The following SPTBN1 variants were observed in gnomAD, a reference collection of about 807,000 sequenced individuals.
The protein encoded by SPTBN1 is spectrin beta chain, non-erythrocytic 1.
A neutral mutation model predicts 266.4 loss-of-function variants in SPTBN1; 32 were observed. That is an observed-to-expected ratio of 0.12 (90% CI 0.09 to 0.16). The LOEUF is 0.16. SPTBN1 is among the 10% of genes least tolerant of loss of function. The pLI is 1.00. For synonymous variants in SPTBN1, 1,336 were observed against 1,162.2 expected, an observed-to-expected ratio of 1.15 and a Z score of -3.04; for missense variants, 2,296 against 3,067.1, an observed-to-expected ratio of 0.75 and a Z score of 5.94.
chr2:54,490,778 T>C (rs1668644928), intron 1 of SPTBN1, among the ~76,000 whole-genome samples: 1 of 151,996 alleles, frequency 6.6e-6, no homozygotes, highest in Admixed American at 6.6e-5. Flanking sequence ...GAAAAATGAT[T>C]AGTGTTAGTT....
At chr2:54,583,453 C>T (rs1169828288) in intron 2 of SPTBN1, among the ~76,000 whole-genome samples, 1 of 152,016 alleles carries the variant, frequency 6.6e-6, no homozygotes, top group Non-Finnish European at 1.5e-5. Context: ...CTTTTCTGAC[C>T]AAAGTGTAGG....
chr2:54,511,373 T>A (rs1164302856), intron 1 of SPTBN1, among the ~76,000 whole-genome samples: 1 of 152,206 alleles, frequency 6.6e-6, no homozygotes, highest in Non-Finnish European at 1.5e-5. Flanking sequence ...ATTTTGTTTT[T>A]AAAAATTTTT....
intron 18 of SPTBN1, among the ~76,000 whole-genome samples, chr2:54,641,392 CTGTT>C (rs1679545480): frequency 6.6e-6 from 1 of 152,116 alleles, no homozygotes; most frequent in African/African-American, 2.4e-5. Flanking sequence ...TAAATGCCTT[CTGTT>C]TTGTGTGTAT....
At chr2:54,539,340 C>T (rs1671801982) in intron 2 of SPTBN1, among the ~76,000 whole-genome samples, 1 of 152,082 alleles carries the variant, frequency 6.6e-6, no homozygotes, top group Admixed American at 6.5e-5. Flanking sequence ...TTAAAGATTT[C>T]TTTGTGTTTA....
At chr2:54,597,588 G>T (rs567108446) in intron 2 of SPTBN1, among the ~76,000 whole-genome samples, 5 of 152,216 alleles carry the variant, frequency 3.3e-5, no homozygotes, top group African/African-American at 1.2e-4. Context: ...GATCTTGGCA[G>T]GTGCCCCAGC....
At chr2:54,665,694 C>T (rs1231778181) in intron 33 of SPTBN1, among the ~76,000 whole-genome samples, 4 of 152,182 alleles carry the variant, frequency 2.6e-5, no homozygotes, top group Non-Finnish European at 4.4e-5. Flanking sequence ...TCCTCAAACA[C>T]TTGCCCTGTG....
chr2:54,603,427 G>T (rs914541417), intron 3 of SPTBN1, among the ~76,000 whole-genome samples: 1 of 152,192 alleles, frequency 6.6e-6, no homozygotes, highest in African/African-American at 2.4e-5. Context: ...GTCTAATGAA[G>T]TGGGCAACCT....
chr2:54,546,627 A>G (rs1420256064), intron 2 of SPTBN1: 1 of 152,224 alleles, frequency 6.6e-6, no homozygotes, highest in Non-Finnish European at 1.5e-5. Flanking sequence ...GACTCTAATG[A>G]CAACTCTGTG....
chr2:54,577,630 A>G (rs1674582297), intron 2 of SPTBN1, among the ~76,000 whole-genome samples: 1 of 152,340 alleles, frequency 6.6e-6, no homozygotes, highest in African/African-American at 2.4e-5. Context: ...TATGCTCCTC[A>G]TAGCGTCCTT....
At chr2:54,530,582 C>A (rs960403337) in intron 2 of SPTBN1, among the ~76,000 whole-genome samples, 1 of 151,994 alleles carries the variant, frequency 6.6e-6, no homozygotes, top group Admixed American at 6.6e-5. Flanking sequence ...CGGTCTCGAT[C>A]TCCTGACCTC....
At chr2:54,466,975 CAG>C (rs1693666955) in intron 1 of SPTBN1, among the ~76,000 whole-genome samples, 1 of 152,018 alleles carries the variant, frequency 6.6e-6, no homozygotes, top group South Asian at 2.1e-4. Flanking sequence ...ATTACTTATG[CAG>C]AGTGTGGGAA....
At chr2:54,477,919 A>G (rs529435329) in intron 1 of SPTBN1, among the ~76,000 whole-genome samples, 2 of 152,072 alleles carry the variant, frequency 1.3e-5, no homozygotes, top group Non-Finnish European at 2.9e-5. Flanking sequence ...TCAAAAAAAA[A>G]AAGACTGGTA....
chr2:54,654,212 A>T (rs1680498904), intron 27 of SPTBN1, among the ~76,000 whole-genome samples: 1 of 152,204 alleles, frequency 6.6e-6, no homozygotes, highest in South Asian at 2.1e-4. Flanking sequence ...CGTCTTTGCA[A>T]TGAGATGACT....
chr2:54,570,124 C>G (rs185211347), intron 2 of SPTBN1, among the ~76,000 whole-genome samples: 1 of 152,334 alleles, frequency 6.6e-6, no homozygotes, highest in East Asian at 1.9e-4. Flanking sequence ...AGCACTTGGT[C>G]AGAGAGCCGC....
At chr2:54,601,730 A>G (rs577225533) in intron 3 of SPTBN1, among the ~76,000 whole-genome samples, 2 of 152,298 alleles carry the variant, frequency 1.3e-5, no homozygotes, top group South Asian at 4.1e-4. Context: ...TAGCAGATAA[A>G]TGTTTGAGGG....
At chr2:54,542,697 C>A (rs932640263) in intron 2 of SPTBN1, among the ~76,000 whole-genome samples, 3 of 152,028 alleles carry the variant, frequency 2.0e-5, no homozygotes, top group Non-Finnish European at 4.4e-5. Context: ...GAAACAAGGC[C>A]CTGAAGCTGA....
chr2:54,656,014 A>T lies in SPTBN1; in HGVS notation c.6046+16A>T. 21 of 1,599,750 alleles carry T rather than the reference A, an allele frequency of 1.3e-5. No homozygotes were observed. Among genetic ancestry groups the T allele is most frequent in the Non-Finnish European group, 1.8e-5 (21 of 1,169,414 alleles). Reference sequence around the variant, plus strand: ...TTAAGACTGAGTAAGGATGTAGTTTATCTTTCTGCTCTTTTGGGTATCAAT... The same window carrying T: ...TTAAGACTGAGTAAGGATGTAGTTTTTCTTTCTGCTCTTTTGGGTATCAAT... On this transcript the variant is annotated intron_variant, in intron 29 of 35. Transcript: ENST00000356805.
At chr2:54,460,048 G>A (rs902040644) in intron 1 of SPTBN1, among the ~76,000 whole-genome samples, 1 of 152,142 alleles carries the variant, frequency 6.6e-6, no homozygotes, top group Admixed American at 6.5e-5. Flanking sequence ...TTTTCATAAT[G>A]TCCTTTGCTA....
rs1459038317 is a variant in SPTBN1 at position 54,558,369 on chromosome 2, C to G, written c.148+31803C>G. The G allele has an allele frequency of 2.3e-5, 23 of 999,432 alleles. No homozygotes were observed. The highest frequency in any genetic ancestry group is 2.7e-5 in the Non-Finnish European group (23 of 839,310). The allele number at this position is 999,432 out of a possible 1,614,324, so 61.9% of individuals were successfully genotyped here. A position where few individuals can be genotyped will look rare whatever the true frequency, so the allele number is the denominator to read the frequency against. On this transcript the variant is annotated intron_variant, in intron 2 of 35. Transcript: ENST00000356805. This position sits in a 1 kb window ranked among gnomAD's most constrained non-coding sequence, Gnocchi z 4.6. Reference sequence around the variant, plus strand: ...GGCTCCTGATAAAATTACAAACCGGCGGCCGCCGCGGGCAGCTGGGAGGAG... The same window carrying G: ...GGCTCCTGATAAAATTACAAACCGGGGGCCGCCGCGGGCAGCTGGGAGGAG...
Sources: gnomAD v4.1 joint callset for allele counts (sites outside exome capture counted in the v4.1 genomes callset) on GRCh38, gnomAD v4.1.1 for gene constraint, Gnocchi (gnomAD v3.1) non-coding constraint, MANE v1.5 for transcripts, NCBI Gene and HGNC (gene_info 2026-07-23, HGNC 2026-07-21) for gene names.